The following MRE11 variants were observed in gnomAD, a reference collection of about 807,000 sequenced individuals.
MRE11 encodes the protein double-strand break repair protein MRE11.
In MRE11, 62 loss-of-function variants were observed where a neutral mutation model predicts 91.7. That is an observed-to-expected ratio of 0.68 (90% CI 0.55 to 0.84). The LOEUF is 0.84. MRE11 is among the 40% of genes least tolerant of loss of function. MRE11 has a pLI of 0.00. For synonymous variants in MRE11, 273 were observed against 271.4 expected, an observed-to-expected ratio of 1.01 and a Z score of -0.06; for missense variants, 796 against 852.9, an observed-to-expected ratio of 0.93 and a Z score of 0.83.
rs1309350632 is a variant in MRE11, at chr11:94,476,085, C to T, written c.659+204G>A. 3.3e-5 allele frequency among the ~76,000 whole-genome samples: 5 copies of T among 152,092 alleles called. No individual in the cohort carries two copies. The East Asian group carries it at 9.6e-4, about 29-fold the overall frequency. On this transcript the variant is annotated intron_variant, in intron 7 of 19. Coordinates refer to ENST00000323929, the MANE Select transcript of MRE11 (RefSeq NM_005591.4). The stretch of plus-strand genomic sequence containing the variant: ...GGAGTATTCATGTGTATGCCTTATC[C>T]TTATGTTACAAATATTCTTGTAGGT...
rs13447763 is a variant in MRE11, at chr11:94,417,189, G to A, written c.*2936C>T. The stretch of plus-strand genomic sequence containing the variant: ...GACGAGGTTTCACCATGTTGGCCAG[G>A]CTGGTCTCAAACTCCTGACCTCAGG... On this transcript the variant is annotated 3_prime_UTR_variant, in exon 20 of 20. Coordinates refer to ENST00000323929, the MANE Select transcript of MRE11 (RefSeq NM_005591.4). The A allele has an allele frequency of 2.6e-3, 448 of 173,064 alleles. 3 individuals are homozygous for A. The highest frequency in any genetic ancestry group is 0.01 in the African/African-American group (426 of 42,248). 10.7% of individuals were successfully genotyped at this position (173,064 alleles called of 1,614,324 possible).
rs587782051 is a variant in MRE11 at position 94,471,661 on chromosome 11, G to A, written c.758C>T (p.Pro253Leu). ...AAACAGCTGTTGTTCATTTTTGGTT[G>A]GAGCTATTTTACACTCATGTTCATG... ...WGHEHECKIA[P>L]TKNEQQLFYI... Residue 253 changes from proline to leucine, a missense_variant, in exon 8 of 20, where the codon CCA becomes CTA. Transcript: ENST00000323929. 3 of 1,612,634 alleles carry A rather than the reference G, an allele frequency of 1.9e-6. No individual in the cohort carries two copies. In the Admixed American group the frequency reaches 5.0e-5, roughly 27 times the overall value.
the MRE11 span, among the ~76,000 whole-genome samples, chr11:94,511,153 A>G: frequency 1.3e-5 from 2 of 152,178 alleles, no homozygotes; most frequent in Non-Finnish European, 2.9e-5. Flanking sequence ...ACCTTTCCAC[A>G]CAACCTTTTA....
At chr11:94,459,384 T>C in intron 13 of MRE11, 24 bp downstream of exon 13, 2 of 1,612,786 alleles carry the variant, frequency 1.2e-6, no homozygotes, top group Non-Finnish European at 1.7e-6. Flanking sequence ...TAAATAGACC[T>C]AGACACTCAA....
chr11:94,453,010 C>A (rs1034379426), intron 14 of MRE11, among the ~76,000 whole-genome samples: 2 of 152,186 alleles, frequency 1.3e-5, no homozygotes, highest in African/African-American at 4.8e-5. Flanking sequence ...TCCCCAGTAA[C>A]CACTATTCTA....
intron 12 of MRE11, 141 bp downstream of exon 12, chr11:94,460,795 T>A: frequency 1.4e-6 from 1 of 720,742 alleles, no homozygotes; most frequent in Non-Finnish European, 2.4e-6. Flanking sequence ...TGCAAATGAA[T>A]GTAATTAATT....
intron 14 of MRE11, among the ~76,000 whole-genome samples, chr11:94,447,689 A>G (rs1450194990): frequency 6.7e-6 from 1 of 149,634 alleles, no homozygotes; most frequent in East Asian, 2.0e-4. Flanking sequence ...AAAAAAAAAA[A>G]TTAGGCATGG....
chr11:94,503,104 T>A, the MRE11 span, among the ~76,000 whole-genome samples: 1 of 152,218 alleles, frequency 6.6e-6, no homozygotes, highest in Non-Finnish European at 1.5e-5. Context: ...GTATTTTTTT[T>A]ATCTATAGGC....
Position 94,476,114 on chromosome 11 carries a change from A to G in MRE11, c.659+175T>C, listed in dbSNP as rs571643761. Among the ~76,000 whole-genome samples the G allele has an allele frequency of 3.9e-5, 6 of 152,274 alleles. No individual in the cohort carries two copies. In the South Asian group the frequency reaches 6.2e-4, roughly 16 times the overall value. ...TGTTACAAATATTCTTGTAGGTATTAATATATACTAAAAACAATTTCAAAA... is the reference window on the plus strand; with the variant it reads ...TGTTACAAATATTCTTGTAGGTATTGATATATACTAAAAACAATTTCAAAA... On this transcript the variant is annotated intron_variant, in intron 7 of 19. Transcript: ENST00000323929.
chr11:94,496,999 G>T, upstream of MRE11: 1 of 1,607,774 alleles, frequency 6.2e-7, no homozygotes, highest in Non-Finnish European at 8.5e-7. Context: ...GAAAAGCACT[G>T]GGTTCAAGCC....
At chr11:94,454,073 ATTT>A (rs763249653) in intron 14 of MRE11, among the ~76,000 whole-genome samples, 13 of 138,724 alleles carry the variant, frequency 9.4e-5, no homozygotes, top group Non-Finnish European at 9.5e-5. Context: ...TGAACAAAAG[ATTT>A]TTTTTTTTTT....
chr11:94,463,280 A>C (rs965925350), intron 11 of MRE11, among the ~76,000 whole-genome samples: 1 of 152,210 alleles, frequency 6.6e-6, no homozygotes, highest in African/African-American at 2.4e-5. Flanking sequence ...GTCAGGAAAC[A>C]ACAGGTGCTG....
At chr11:94,473,893 T>A (rs1448710822) in intron 7 of MRE11, among the ~76,000 whole-genome samples, 1 of 152,168 alleles carries the variant, frequency 6.6e-6, no homozygotes, top group Non-Finnish European at 1.5e-5. Flanking sequence ...ATTTATAATA[T>A]GATCCAGGCT....
chr11:94,497,477 G>T (rs2135161955), upstream of MRE11: 1 of 162,594 alleles, frequency 6.2e-6, no homozygotes, highest in East Asian at 1.8e-4. Flanking sequence ...AACTAAAAGG[G>T]TCTCGCATTT....
rs766581183 is a variant in MRE11 at position 94,492,774 on chromosome 11, G to T, written c.20+8C>A. 1.2e-6 allele frequency: 2 copies of T among 1,613,996 alleles called. No individual in the cohort carries two copies. ...AATAACAAGGGATTCCAGAAGTCAGGTGCTTACAGTGCATCTGCAGTACTC... is the reference window on the plus strand; with the variant it reads ...AATAACAAGGGATTCCAGAAGTCAGTTGCTTACAGTGCATCTGCAGTACTC... On this transcript the variant is annotated splice_region_variant and intron_variant, in intron 2 of 19. Transcript: ENST00000323929.
intron 7 of MRE11, chr11:94,475,627 C>T (rs1298210164): frequency 2.2e-6 from 1 of 455,762 alleles, no homozygotes; most frequent in African/African-American, 2.0e-5. Context: ...ACCCTGCCAA[C>T]AGATTAAATT....
chr11:94,508,458 G>A, the MRE11 span, among the ~76,000 whole-genome samples: 1 of 152,204 alleles, frequency 6.6e-6, no homozygotes, highest in South Asian at 2.1e-4. Context: ...ACATGCGGTA[G>A]GAGTCAAAGT....
chr11:94,442,563 C>CT (rs1945811788), intron 16 of MRE11, among the ~76,000 whole-genome samples: 1 of 152,114 alleles, frequency 6.6e-6, no homozygotes, highest in Non-Finnish European at 1.5e-5. Context: ...ATCTATGACT[C>CT]TGTCGATTGC....
intron 7 of MRE11, among the ~76,000 whole-genome samples, chr11:94,472,350 G>C (rs117715633): frequency 3.7e-3 from 559 of 152,172 alleles, no homozygotes; most frequent in Non-Finnish European, 6.5e-3. Context: ...AGAAGGAATA[G>C]TTTTCCCTAA....
Sources: allele counts gnomAD v4.1 joint callset (sites outside exome capture counted in the v4.1 genomes callset), GRCh38; gene constraint gnomAD v4.1.1; transcripts MANE v1.5; gene names NCBI Gene and HGNC (gene_info 2026-07-23, HGNC 2026-07-21).